Variants in ATP7A observed in about 807,000 individuals in gnomAD.
ATP7A encodes the protein ATPase copper transporting alpha.
In ATP7A, 7 loss-of-function variants were observed where a neutral mutation model predicts 83.5. The observed-to-expected ratio is 0.08, with a 90% confidence interval of 0.05 to 0.16. The LOEUF is 0.16. ATP7A is among the 10% of genes least tolerant of loss of function. The pLI is 1.00. For synonymous variants in ATP7A, 354 were observed against 395.2 expected (o/e 0.90, Z 1.24); for missense variants, 940 against 1,120.8 (o/e 0.84, Z 2.30).
chrX:78,042,839 C>A, intron 20 of ATP7A, 51 bp downstream of exon 20: 2 of 1,112,461 alleles, frequency 1.8e-6, no homozygotes, highest in Non-Finnish European at 2.5e-6. Flanking sequence ...CCTATGTGGT[C>A]AATGATAATG....
At chrX:77,926,213 G>C (rs1569548779) in intron 1 of ATP7A, among the ~76,000 whole-genome samples, 1 of 111,690 alleles carries the variant, frequency 9.0e-6, no homozygotes, top group Non-Finnish European at 1.9e-5. Flanking sequence ...GTCATTCAGG[G>C]ATCTGATGCA....
At chrX:77,969,565 C>A in intron 1 of ATP7A, 1 of 1,212,021 alleles carries the variant, frequency 8.3e-7, no homozygotes, top group Non-Finnish European at 1.1e-6. Context: ...GGCGTCGTAC[C>A]AGCAGCTGAA....
At chrX:77,915,356 G>T (rs2149038773) in intron 1 of ATP7A, among the ~76,000 whole-genome samples, 1 of 108,568 alleles carries the variant, frequency 9.2e-6, no homozygotes, top group Non-Finnish European at 1.9e-5. Context: ...GTCTTGTCTG[G>T]CTCAGTCCAG....
At chrX:77,939,066 C>G (rs1401489182) in intron 1 of ATP7A, among the ~76,000 whole-genome samples, 1 of 111,412 alleles carries the variant, frequency 9.0e-6, no homozygotes, top group Non-Finnish European at 1.9e-5. Context: ...GAGGCCGAGG[C>G]AAGTGGACAA....
intron 1 of ATP7A, among the ~76,000 whole-genome samples, chrX:77,949,885 T>C (rs2077403676): frequency 8.9e-6 from 1 of 112,307 alleles, no homozygotes; most frequent in African/African-American, 3.2e-5. Flanking sequence ...AAAGCAGTTC[T>C]GACTCGCTTA....
intron 1 of ATP7A, among the ~76,000 whole-genome samples, chrX:77,915,985 T>C (rs1204701458): frequency 8.9e-6 from 1 of 112,023 alleles, no homozygotes; most frequent in Admixed American, 9.4e-5. Context: ...CCTCCCAAAG[T>C]GCTGGGATTA....
Position 77,989,645 on chromosome X carries a change from G to A in ATP7A, c.1023G>A (p.Gly341=), listed in dbSNP as rs374656309. The A allele has an allele frequency of 6.6e-6, 8 of 1,209,629 alleles. No individual in the cohort carries two copies. The highest frequency in any genetic ancestry group is 8.9e-6 in the Non-Finnish European group (8 of 894,903). Residue 341 remains glycine, a synonymous_variant, in exon 4 of 23, where the codon GGG becomes GGA. Coordinates refer to ENST00000341514, the MANE Select transcript of ATP7A (RefSeq NM_000052.7). ...LRKAIEAVSP[G]LYRVSITSEV... is the part of the protein sequence containing the mutation. ...AAGCAATAGAGGCTGTATCACCGGG[G>A]CTATATAGAGTTAGTATCACAAGTG...
chrX:77,974,864 A>G, intron 2 of ATP7A: 1 of 291,188 alleles, frequency 3.4e-6, no homozygotes, highest in Non-Finnish European at 6.0e-6. Context: ...TCAAACATAC[A>G]CAAAGGTGGA....
intron 14 of ATP7A, among the ~76,000 whole-genome samples, chrX:78,028,511 AT>A (rs1315642795): frequency 4.5e-5 from 5 of 110,780 alleles, no homozygotes; most frequent in Non-Finnish European, 7.6e-5. Context: ...TTTTTCACAA[AT>A]TTTTTTTGTA....
chrX:78,019,177 G>A (rs1163793651), intron 12 of ATP7A, among the ~76,000 whole-genome samples: 3 of 111,949 alleles, frequency 2.7e-5, no homozygotes, highest in African/African-American at 9.7e-5. Flanking sequence ...TAGACTTGAT[G>A]GACTTTGGCA....
At position 77,988,515 on chromosome X, in the gene ATP7A, T is replaced by A; in HGVS notation, c.394T>A (p.Ser132Thr). The A allele has an allele frequency of 8.3e-7, 1 of 1,211,333 alleles. No homozygotes were observed. The highest frequency in any genetic ancestry group is 1.1e-6 in the Non-Finnish European group (1 of 895,277). The stretch of plus-strand genomic sequence containing the variant: ...AACTGTAGCAGTGACAATAATCCCT[T>A]CTATAGTGAATGCCAATCAGATAAA... ...KRTVAVTIIP[S>T]IVNANQIKEL... The change falls in exon 3 of 23, where the codon TCT (serine) becomes ACT (threonine). Residue 132 changes from serine (S) to threonine (T), a missense_variant. Physicochemically the swap from Ser to Thr is moderately conservative, Grantham distance 58 (BLOSUM62 1). Around this residue, in one of 3 missense-constraint regions of ATP7A, gnomAD observed 350 missense variants for 432.8 expected, o/e 0.81. Coordinates refer to ENST00000341514, the MANE Select transcript of ATP7A (RefSeq NM_000052.7).
chrX:78,033,166 G>A (rs782307180), intron 16 of ATP7A, among the ~76,000 whole-genome samples: 20 of 111,847 alleles, frequency 1.8e-4, no homozygotes, highest in African/African-American at 5.5e-4. Flanking sequence ...GTGCAATAGC[G>A]CAATCTCAAC....
At chrX:77,991,595 G>C (rs1240792573) in intron 4 of ATP7A, among the ~76,000 whole-genome samples, 1 of 111,399 alleles carries the variant, frequency 9.0e-6, no homozygotes, top group Non-Finnish European at 1.9e-5. Context: ...TCTAGGAGTG[G>C]AATTGCTGGG....
chrX:77,985,537 G>A lies in ATP7A; in HGVS notation c.121-2705G>A, dbSNP rs978592844. Among the ~76,000 whole-genome samples the A allele has an allele frequency of 6.3e-5, 7 of 111,155 alleles. No individual in the cohort carries two copies. The East Asian group carries it at 1.7e-3, about 27-fold the overall frequency. ...CCACCCAAGAATGGTCTGTGATGATGGAAATACTGTGTATCCGCCCTGTCT... is the reference window on the plus strand; with the variant it reads ...CCACCCAAGAATGGTCTGTGATGATAGAAATACTGTGTATCCGCCCTGTCT... On this transcript the variant is annotated intron_variant, in intron 2 of 22. Transcript: ENST00000341514.
At chrX:77,973,667 T>C (rs1603379109) in intron 2 of ATP7A, among the ~76,000 whole-genome samples, 1 of 112,182 alleles carries the variant, frequency 8.9e-6, no homozygotes, top group African/African-American at 3.2e-5. Flanking sequence ...GAATTTCTTC[T>C]TTTTCAAAAT....
At chrX:77,966,953 C>T (rs1305391454) in intron 1 of ATP7A, 2 of 261,655 alleles carry the variant, frequency 7.6e-6, no homozygotes, top group African/African-American at 5.7e-5. Flanking sequence ...CTCCCTGTGT[C>T]CATGTGTTCT....
Position 77,956,726 on chromosome X carries a change from C to CTCTTTCTTTCTTTCTTT in ATP7A, c.-21-14895_-21-14894insTCTTTCTTTCTTTCTTT, listed in dbSNP as rs1557227391. ...TTTTTCTTTATCAATTACCCAGTCT[C>CTCTTTCTTTCTTTCTTT]CTTTCTTTCTTTCTTTCTTTCTTTC... On this transcript the variant is annotated intron_variant, in intron 1 of 22. Coordinates refer to ENST00000341514, the MANE Select transcript of ATP7A (RefSeq NM_000052.7). Among the ~76,000 whole-genome samples, 200 of 73,777 alleles carry CTCTTTCTTTCTTTCTTT rather than the reference C, an allele frequency of 2.7e-3. 2 individuals are homozygous for CTCTTTCTTTCTTTCTTT. The highest frequency in any genetic ancestry group is 8.2e-3 in the African/African-American group (162 of 19,637). 64.1% of individuals were successfully genotyped at this position (73,777 alleles called of 115,157 possible). A position where few individuals can be genotyped will look rare whatever the true frequency, so the allele number is the denominator to read the frequency against.
chrX:77,990,038 A>G, intron 4 of ATP7A, 80 bp downstream of exon 4: 2 of 1,161,669 alleles, frequency 1.7e-6, no homozygotes, highest in South Asian at 3.7e-5. Flanking sequence ...TATCAATGAG[A>G]AATGATTCAT....
intron 1 of ATP7A, among the ~76,000 whole-genome samples, chrX:77,915,129 A>T (rs891356728): frequency 1.3e-4 from 14 of 111,545 alleles, no homozygotes; most frequent in African/African-American, 3.6e-4. Flanking sequence ...AGCCTGGGCA[A>T]CATAGGGAAA....
Sources: gnomAD v4.1 joint callset for allele counts (sites outside exome capture counted in the v4.1 genomes callset) on GRCh38, gnomAD v4.1.1 for gene constraint, gnomAD v4.1.1 regional missense constraint, MANE v1.5 for transcripts, NCBI Gene and HGNC (gene_info 2026-07-23, HGNC 2026-07-21) for gene names.